Variants in TYMP observed in about 807,000 individuals in gnomAD.
TYMP encodes gliostatin.
A neutral mutation model predicts 42.3 loss-of-function variants in TYMP; 46 were observed. The ratio of observed to expected loss-of-function variants is 1.09; its 90% confidence interval spans 0.86 to 1.39. The LOEUF is 1.39. Ranked by LOEUF, TYMP falls within the 40% of genes most tolerant of loss-of-function variation. The probability of loss-of-function intolerance (pLI) is 0.00; values close to 1 mark genes in which losing one functional copy is unlikely to be tolerated. For synonymous variants in TYMP, 363 were observed against 308.0 expected (o/e 1.18, Z -1.87); for missense variants, 837 against 677.6 (o/e 1.24, Z -2.61).
chr22:50,529,877 G>C, intron 1 of TYMP, 27 bp downstream of exon 1: 1 of 677,170 alleles, frequency 1.5e-6, no homozygotes, highest in Non-Finnish European at 2.5e-6. Flanking sequence ...CCGCTTCCCC[G>C]CCTCGCGACT....
chr22:50,526,500 G>T (rs966252966), intron 7 of TYMP, 24 bp from the exon 8 acceptor site: 18 of 1,519,358 alleles, frequency 1.2e-5, no homozygotes, highest in Non-Finnish European at 1.6e-5. Flanking sequence ...CGGGTCTTAG[G>T]CGCGGCCGGG....
Position 50,529,233 on chromosome 22 carries a change from G to A in TYMP, c.320C>T (p.Ala107Val). 1.9e-6 allele frequency: 3 copies of A among 1,613,266 alleles called. No homozygotes were observed. The highest frequency in any genetic ancestry group is 2.5e-6 in the Non-Finnish European group (3 of 1,180,014). The part of the protein sequence containing the change: ...QSGQQLEWPE[A>V]WRQQLVDKHS... ...CTTGTCCACAAGCTGCTGGCGCCAG[G>A]CCTCTGGCCACTCCAGCTGCTGTCC... is the stretch of plus-strand genomic sequence containing the variant. The change falls in exon 3 of 10, where the codon GCC (alanine) becomes GTC (valine). Residue 107 changes from alanine to valine, a missense_variant. Physicochemically the swap from Ala to Val is moderately conservative, Grantham distance 64. Transcript: ENST00000252029.
chr22:50,528,460 C>T lies in TYMP; in HGVS notation c.516+52G>A, dbSNP rs898139664. On this transcript the variant is annotated intron_variant, in intron 4 of 9. Coordinates refer to ENST00000252029, the MANE Select transcript of TYMP (RefSeq NM_001953.5). ...CCAGTGATCTTTTAGTGATTCTGGCCAGGGTCTCCATCATCAACCTGGATT... is the reference window on the plus strand; with the variant it reads ...CCAGTGATCTTTTAGTGATTCTGGCTAGGGTCTCCATCATCAACCTGGATT... 1.1e-5 allele frequency: 16 copies of T among 1,474,564 alleles called. No homozygotes were observed. In the East Asian group the frequency reaches 3.0e-4, roughly 27 times the overall value. 91.3% of individuals were successfully genotyped at this position (1,474,564 alleles called of 1,614,324 possible). A position where few individuals can be genotyped will look rare whatever the true frequency, so the allele number is the denominator to read the frequency against.
rs770724105 is a variant in TYMP at position 50,526,647 on chromosome 22, T to C, written c.857A>G (p.Glu286Gly). Residue 286 changes from glutamate to glycine, a missense_variant, in exon 7 of 10, where the codon GAG becomes GGG. Coordinates refer to ENST00000252029, the MANE Select transcript of TYMP (RefSeq NM_001953.5). ...CATGCAGAGCAGCGCCTCCTCCACCTCCAGGGCGTGGCCCACGCAGCGACC... is the reference window on the plus strand; with the variant it reads ...CATGCAGAGCAGCGCCTCCTCCACCCCCAGGGCGTGGCCCACGCAGCGACC... ...PLGRCVGHALEVEEALLCMDG... is the reference protein window; with the variant it reads ...PLGRCVGHALGVEEALLCMDG... The C allele has an allele frequency of 6.4e-7, 1 of 1,565,430 alleles. No individual in the cohort carries two copies. Among genetic ancestry groups the C allele is most frequent in the Non-Finnish European group, 8.6e-7 (1 of 1,157,306 alleles).
At chr22:50,527,746 CT>C in intron 4 of TYMP, 29 bp from the exon 5 acceptor site, 1 of 1,399,228 alleles carries the variant, frequency 7.1e-7, no homozygotes. Context: ...TTCTCAGTGA[CT>C]TATGGTAAAT....
At chr22:50,529,745 G>T (rs774135504) in intron 1 of TYMP, 26 bp from the exon 2 acceptor site, 68 of 1,578,764 alleles carry the variant, frequency 4.3e-5, no homozygotes, top group Non-Finnish European at 5.2e-5. Flanking sequence ...ACACGTCCGG[G>T]GTCTGCGGCC....
In TYMP at chr22:50,527,203, G is replaced by T. The variant is rs966342643; in HGVS notation, c.727C>A (p.Pro243Thr). 2.2e-5 allele frequency: 35 copies of T among 1,613,506 alleles called. No individual in the cohort carries two copies. Among genetic ancestry groups the T allele is most frequent in the Non-Finnish European group, 3.0e-5 (35 of 1,180,014 alleles). Residue 243 changes from proline to threonine, a missense_variant, in exon 6 of 10, where the codon CCC becomes ACC. Physicochemically the swap from Pro to Thr is conservative, Grantham distance 38 (BLOSUM62 -1). Coordinates refer to ENST00000252029, the MANE Select transcript of TYMP (RefSeq NM_001953.5). ...DVKFGGAAVF[P>T]NQEQARELAK... Reference sequence around the variant, plus strand: ...AGCTCCCGGGCCTGCTCCTGGTTGGGGAAGACGGCGGCCCCTCCGAACTTA... The same window carrying T: ...AGCTCCCGGGCCTGCTCCTGGTTGGTGAAGACGGCGGCCCCTCCGAACTTA...
chr22:50,525,829 G>C lies in TYMP; in HGVS notation c.1390C>G (p.Arg464Gly). Residue 464 changes from arginine (R) to glycine (G), a missense_variant, in exon 10 of 10, where the codon CGC becomes GGC. Transcript: ENST00000252029. ...GGCGAGGGGGCGGCGAATGGCGCGC[G>C]GTCGGAGAGTACGAGCGCCTCCTGC... ...ALQEALVLSD[R>G]APFAAPSPFA... The C allele has an allele frequency of 6.2e-7, 1 of 1,609,610 alleles. No individual in the cohort carries two copies. The highest frequency in any genetic ancestry group is 1.1e-5 in the South Asian group (1 of 90,920).
In TYMP at chr22:50,525,830, G is replaced by C. The variant is rs373893793; in HGVS notation, c.1389C>G (p.Asp463Glu). 1.2e-6 allele frequency: 2 copies of C among 1,609,590 alleles called. No individual in the cohort carries two copies. The highest frequency in any genetic ancestry group is 1.1e-5 in the South Asian group (1 of 90,904). Reference protein sequence around the residue: ...RALQEALVLSDRAPFAAPSPF... With the variant: ...RALQEALVLSERAPFAAPSPF... ...GCGAGGGGGCGGCGAATGGCGCGCGGTCGGAGAGTACGAGCGCCTCCTGCA... is the reference window on the plus strand; with the variant it reads ...GCGAGGGGGCGGCGAATGGCGCGCGCTCGGAGAGTACGAGCGCCTCCTGCA... Residue 463 changes from aspartate to glutamate, a missense_variant, in exon 10 of 10, where the codon GAC becomes GAG. Transcript: ENST00000252029.
rs765007158 is a variant in TYMP, at chr22:50,526,278, C to T, written c.1127G>A (p.Arg376Gln). 401 of 1,545,096 alleles carry T rather than the reference C, an allele frequency of 2.6e-4. 4 individuals carry two copies. The Admixed American group carries it at 7.2e-3, about 28-fold the overall frequency. Residue 376 changes from arginine to glutamine, a missense_variant, in exon 8 of 10, where the codon CGG becomes CAG. Transcript: ENST00000252029. ...AERRQLLPRA[R>Q]EQEELLAPAD... ...GGGCGCCAGCAGCTCCTCCTGCTCC[C>T]GGGCGCGAGGCAGCAGCTGCCGGCG...
At chr22:50,527,746 C>T (rs758490151) in intron 4 of TYMP, 29 bp from the exon 5 acceptor site, 2 of 1,399,190 alleles carry the variant, frequency 1.4e-6, no homozygotes, top group East Asian at 2.3e-5. Flanking sequence ...TTCTCAGTGA[C>T]TTATGGTAAA....
Position 50,529,727 on chromosome 22 carries a change from G to T in TYMP, c.-10-8C>A, listed in dbSNP as rs181234837. 6 of 1,601,420 alleles carry T rather than the reference G, an allele frequency of 3.7e-6. No homozygotes were observed. The highest frequency in any genetic ancestry group is 5.1e-6 in the Non-Finnish European group (6 of 1,174,824). On this transcript the variant is annotated splice_polypyrimidine_tract_variant and splice_region_variant and intron_variant, in intron 1 of 9. Coordinates refer to ENST00000252029, the MANE Select transcript of TYMP (RefSeq NM_001953.5). ...GCTGCCATCGCTCCGGGCCTGCGGG[G>T]ATGCCTGACACGTCCGGGGTCTGCG...
In TYMP at chr22:50,526,152, A is replaced by G; in HGVS notation, c.1160-11T>C. Reference sequence around the variant, plus strand: ...CCAGCTCCACGGTGCCTGCGGGGAGAGGGGCTGAGAGGCGCGGGCTCGGGA... The same window carrying G: ...CCAGCTCCACGGTGCCTGCGGGGAGGGGGGCTGAGAGGCGCGGGCTCGGGA... On this transcript the variant is annotated splice_polypyrimidine_tract_variant and intron_variant, in intron 8 of 9. Transcript: ENST00000252029. The G allele has an allele frequency of 6.8e-7, 1 of 1,471,328 alleles. No homozygotes were observed. Among genetic ancestry groups the G allele is most frequent in the African/African-American group, 1.5e-5 (1 of 67,856 alleles). The allele number at this position is 1,471,328 out of a possible 1,614,324, so 91.1% of individuals were successfully genotyped here.
At position 50,526,403 on chromosome 22, in the gene TYMP, C is replaced by T; in HGVS notation, c.1002G>A (p.Leu334=). 5 of 1,518,004 alleles carry T rather than the reference C, an allele frequency of 3.3e-6. No homozygotes were observed. The highest frequency in any genetic ancestry group is 4.4e-6 in the Non-Finnish European group (5 of 1,142,814). 94.0% of individuals were successfully genotyped at this position (1,518,004 alleles called of 1,614,324 possible). ...AGCGGCCAAGGGCCGAGCCGTCGTC[C>T]AGCGCCGCGGCCACCCGGGCAGCGC... ...AQGAARVAAA[L]DDGSALGRFE... The change falls in exon 8 of 10, where the codon CTG becomes CTA. Residue 334 remains leucine (L), a synonymous_variant. Coordinates refer to ENST00000252029, the MANE Select transcript of TYMP (RefSeq NM_001953.5).
At chr22:50,529,403 T>A in intron 2 of TYMP, 65 bp from the exon 3 acceptor site, 1 of 1,604,370 alleles carries the variant, frequency 6.2e-7, no homozygotes, top group Non-Finnish European at 8.5e-7. Context: ...GGGCCGGTGC[T>A]GGTAGTGGGG....
At chr22:50,529,093 T>C (rs770339022) in intron 3 of TYMP, 43 bp downstream of exon 3, 4 of 1,600,842 alleles carry the variant, frequency 2.5e-6, no homozygotes, top group South Asian at 1.1e-5. Context: ...GGTTGCTGCA[T>C]GTGCGGTATA....
intron 5 of TYMP, 21 bp downstream of exon 5, chr22:50,527,567 C>A (rs755569476): frequency 4.0e-5 from 64 of 1,613,802 alleles, no homozygotes; most frequent in Non-Finnish European, 5.3e-5. Flanking sequence ...CATGCAGAAG[C>A]AGGCCATGGA....
chr22:50,529,200 G>C lies in TYMP; in HGVS notation c.353C>G (p.Thr118Arg), dbSNP rs767829510. 1 of 1,613,330 alleles carries C rather than the reference G, an allele frequency of 6.2e-7. No homozygotes were observed. Among genetic ancestry groups the C allele is most frequent in the South Asian group, 1.1e-5 (1 of 91,088 alleles). ...WRQQLVDKHS[T>R]GGVGDKVSLV... ...GCTGACCTTGTCACCCACACCCCCT[G>C]TGGAATGCTTGTCCACAAGCTGCTG... Residue 118 changes from threonine to arginine, a missense_variant, in exon 3 of 10, where the codon ACA becomes AGA. Coordinates refer to ENST00000252029, the MANE Select transcript of TYMP (RefSeq NM_001953.5).
At position 50,529,985 on chromosome 22, in the gene TYMP, G is replaced by A. The variant is rs886057636; in HGVS notation, c.-92C>T. Reference sequence around the variant, plus strand: ...CTCGCCCGCGGGTCGGGACCGTAGGGTTCAGGGTTCGCGCACAGCGGTCCA... The same window carrying A: ...CTCGCCCGCGGGTCGGGACCGTAGGATTCAGGGTTCGCGCACAGCGGTCCA... On this transcript the variant is annotated 5_prime_UTR_variant, in exon 1 of 10. Coordinates refer to ENST00000252029, the MANE Select transcript of TYMP (RefSeq NM_001953.5). 2.4e-5 allele frequency: 12 copies of A among 505,506 alleles called. No individual in the cohort carries two copies. Among genetic ancestry groups the A allele is most frequent in the African/African-American group, 4.0e-5 (2 of 49,560 alleles). 31.3% of individuals were successfully genotyped at this position (505,506 alleles called of 1,614,324 possible). A position where few individuals can be genotyped will look rare whatever the true frequency, so the allele number is the denominator to read the frequency against.
Sources: gnomAD v4.1 joint callset for allele counts on GRCh38, gnomAD v4.1.1 for gene constraint, MANE v1.5 for transcripts, NCBI Gene and HGNC (gene_info 2026-07-23, HGNC 2026-07-21) for gene names.